Variants in DDX60 observed in about 807,000 individuals in gnomAD.
DDX60 encodes probable ATP-dependent RNA helicase DDX60.
In DDX60, 165 loss-of-function variants were observed where a neutral mutation model predicts 212.8. The ratio of observed to expected loss-of-function variants is 0.78; its 90% CI spans 0.68 to 0.88. The LOEUF (loss-of-function observed/expected upper bound fraction) is 0.88, where lower values mean the gene tolerates loss of function less well. Ranked by LOEUF, DDX60 falls within the 40% of genes least tolerant of loss-of-function variation. The pLI, the probability that DDX60 is intolerant of heterozygous loss-of-function variation, is 0.00. For missense variants in DDX60, 1,905 were observed against 2,003.9 expected, an observed-to-expected ratio of 0.95 and a Z score of 0.94; for synonymous variants, 703 against 685.3, an observed-to-expected ratio of 1.03 and a Z score of -0.40.
intron 6 of DDX60, among the ~76,000 whole-genome samples, chr4:168,297,384 GAA>G (rs1185589960): frequency 2.8e-5 from 2 of 71,262 alleles, no homozygotes; most frequent in Non-Finnish European, 5.6e-5. Context: ...GAAAGAAAGA[GAA>G]AGAAAGAAAG....
rs768641131 is a variant in DDX60, at chr4:168,236,450, A to G, written c.4412-77T>C. ...TTTTCATGTTTAAATGGAATGTCATATTACATTTAATTTCATGGAAACTAA... is the reference window on the plus strand; with the variant it reads ...TTTTCATGTTTAAATGGAATGTCATGTTACATTTAATTTCATGGAAACTAA... On this transcript the variant is annotated intron_variant, in intron 32 of 37. Coordinates refer to ENST00000393743, the MANE Select transcript of DDX60 (RefSeq NM_017631.6). 5.7e-5 allele frequency: 73 copies of G among 1,279,988 alleles called. No homozygotes were observed. The Middle Eastern group carries it at 8.3e-4, about 15-fold the overall frequency. 79.3% of individuals were successfully genotyped at this position (1,279,988 alleles called of 1,614,324 possible). A position where few individuals can be genotyped will look rare whatever the true frequency, so the allele number is the denominator to read the frequency against.
intron 30 of DDX60, among the ~76,000 whole-genome samples, chr4:168,243,874 A>T (rs909093055): frequency 1.5e-4 from 23 of 152,194 alleles, no homozygotes; most frequent in African/African-American, 5.1e-4. Flanking sequence ...TTAACAATAG[A>T]CTGGATAAAG....
At chr4:168,243,567 T>C (rs763065487) in intron 30 of DDX60, among the ~76,000 whole-genome samples, 3 of 152,148 alleles carry the variant, frequency 2.0e-5, no homozygotes, top group Non-Finnish European at 4.4e-5. Context: ...CATCTCGCAC[T>C]AATCAGAATG....
At chr4:168,232,165 T>C (rs564993768) in intron 33 of DDX60, among the ~76,000 whole-genome samples, 27 of 151,646 alleles carry the variant, frequency 1.8e-4, no homozygotes, top group Admixed American at 1.1e-3. Flanking sequence ...AACCAGGAGG[T>C]GAAAGACCTC....
chr4:168,239,257 T>C (rs529905655), intron 30 of DDX60, among the ~76,000 whole-genome samples: 15 of 152,040 alleles, frequency 9.9e-5, no homozygotes, highest in Admixed American at 5.2e-4. Flanking sequence ...GATAGAAAGA[T>C]AGATGATAGG....
intron 19 of DDX60, among the ~76,000 whole-genome samples, chr4:168,269,864 T>C (rs1735015400): frequency 6.6e-6 from 1 of 152,310 alleles, no homozygotes; most frequent in South Asian, 2.1e-4. Context: ...TTATTCCCTC[T>C]GCTTAAAATA....
chr4:168,224,502 C>G (rs1733180203), intron 34 of DDX60, 117 bp from the exon 35 acceptor site: 1 of 968,056 alleles, frequency 1.0e-6, no homozygotes, highest in South Asian at 1.6e-5. Flanking sequence ...GTAATGAAGA[C>G]TGAAATGTTT....
chr4:168,269,326 C>T (rs1268654700), intron 19 of DDX60, among the ~76,000 whole-genome samples: 1 of 152,144 alleles, frequency 6.6e-6, no homozygotes, highest in African/African-American at 2.4e-5. Flanking sequence ...TGGCCGGGCA[C>T]GGTGGCTCAC....
intron 33 of DDX60, among the ~76,000 whole-genome samples, chr4:168,227,715 G>GTAA (rs1266041541): frequency 1.3e-5 from 2 of 151,812 alleles, no homozygotes; most frequent in Non-Finnish European, 2.9e-5. Flanking sequence ...AAATTCCTCT[G>GTAA]TAAGCACTGA....
intron 30 of DDX60, among the ~76,000 whole-genome samples, chr4:168,242,436 T>C (rs1304490389): frequency 6.6e-6 from 1 of 152,188 alleles, no homozygotes; most frequent in African/African-American, 2.4e-5. Flanking sequence ...TGCAAAGCCA[T>C]TGAAGTGAAG....
At position 168,260,989 on chromosome 4, in the gene DDX60, C is replaced by T. The variant is rs768689346; in HGVS notation, c.3274G>A (p.Ala1092Thr). Residue 1092 changes from alanine to threonine, a missense_variant and splice_region_variant, in exon 25 of 38, where the codon GCC (alanine) becomes ACC (threonine). Coordinates refer to ENST00000393743, the MANE Select transcript of DDX60 (RefSeq NM_017631.6). ...SWIKNGNVEQ[A>T]RMVLQNLSPE... ...CTAAGATTCTGAAGTACCATTCTGGCCTGTAGTGGTGAATACAAAACAATT... is the reference window on the plus strand; with the variant it reads ...CTAAGATTCTGAAGTACCATTCTGGTCTGTAGTGGTGAATACAAAACAATT... 1.4e-5 allele frequency: 23 copies of T among 1,606,158 alleles called. No homozygotes were observed. The highest frequency in any genetic ancestry group is 1.8e-5 in the Non-Finnish European group (21 of 1,177,978).
chr4:168,314,321 T>TCACACACA (rs10687990), intron 1 of DDX60, among the ~76,000 whole-genome samples: 33 of 148,742 alleles, frequency 2.2e-4, no homozygotes, highest in Non-Finnish European at 3.7e-4. Context: ...GATTGAACAC[T>TCACACACA]CACACACACA....
At chr4:168,286,487 A>T (rs532579090) in intron 10 of DDX60, among the ~76,000 whole-genome samples, 2 of 150,964 alleles carry the variant, frequency 1.3e-5, no homozygotes, top group South Asian at 4.2e-4. Flanking sequence ...GATAATAGAC[A>T]AATGAATGAC....
intron 1 of DDX60, among the ~76,000 whole-genome samples, chr4:168,318,174 C>G (rs1328700740): frequency 6.6e-6 from 1 of 152,164 alleles, no homozygotes; most frequent in Non-Finnish European, 1.5e-5. Flanking sequence ...CAGAAATTAC[C>G]TGGGGGAATC....
At chr4:168,316,938 A>G (rs1359304927) in intron 1 of DDX60, among the ~76,000 whole-genome samples, 1 of 151,866 alleles carries the variant, frequency 6.6e-6, no homozygotes, top group East Asian at 1.9e-4. Context: ...GTCACCTGTA[A>G]TCCCAGCTAC....
chr4:168,228,898 G>A (rs964842924), intron 33 of DDX60, among the ~76,000 whole-genome samples: 24 of 151,930 alleles, frequency 1.6e-4, no homozygotes, highest in African/African-American at 4.1e-4. Flanking sequence ...TTATTTTGAC[G>A]AATATTTCCT....
chr4:168,290,423 G>A (rs1358193672), intron 8 of DDX60, among the ~76,000 whole-genome samples: 1 of 151,328 alleles, frequency 6.6e-6, no homozygotes, highest in Non-Finnish European at 1.5e-5. Flanking sequence ...CCGCCTCCTG[G>A]GTTCACACCA....
At chr4:168,244,127 G>C (rs1262722573) in intron 30 of DDX60, among the ~76,000 whole-genome samples, 1 of 152,136 alleles carries the variant, frequency 6.6e-6, no homozygotes, top group South Asian at 2.1e-4. Flanking sequence ...AAGAGCATCA[G>C]GAAAAATAAC....
the DDX60 span, among the ~76,000 whole-genome samples, chr4:168,324,975 A>G: frequency 1.1e-4 from 16 of 152,244 alleles, no homozygotes; most frequent in African/African-American, 3.6e-4. Context: ...GCCAAACTGC[A>G]GTCAAGAGGC....
Sources: allele counts gnomAD v4.1 joint callset (sites outside exome capture counted in the v4.1 genomes callset), GRCh38; gene constraint gnomAD v4.1.1; transcripts MANE v1.5; gene names NCBI Gene and HGNC (gene_info 2026-07-23, HGNC 2026-07-21).